CACNA2D1: variants seen among roughly 807,000 people sequenced by gnomAD.
CACNA2D1 encodes voltage-dependent calcium channel subunit alpha-2/delta-1.
In CACNA2D1, 53 loss-of-function variants were observed where a neutral mutation model predicts 171.5. The observed-to-expected ratio is 0.31, with a 90% CI of 0.25 to 0.39. The LOEUF is 0.39. Among genes scored for constraint, CACNA2D1 ranks in the 10% least tolerant of loss-of-function variants. The pLI is 1.00. For synonymous variants in CACNA2D1, 442 were observed against 443.1 expected (o/e 1.00, Z 0.03); for missense variants, 903 against 1,299.8 (o/e 0.69, Z 4.69).
chr7:82,112,331 A>T (rs1416285022), intron 6 of CACNA2D1, among the ~76,000 whole-genome samples: 1 of 152,198 alleles, frequency 6.6e-6, no homozygotes, highest in Non-Finnish European at 1.5e-5. Flanking sequence ...AAAGAATAAC[A>T]TTATACACCA....
chr7:82,083,239 T>G (rs1810019245), intron 7 of CACNA2D1, among the ~76,000 whole-genome samples: 2 of 152,064 alleles, frequency 1.3e-5, no homozygotes, highest in African/African-American at 4.8e-5. Context: ...ATGCTGTAAG[T>G]TACTGACAAA....
At chr7:82,262,992 G>A (rs1419908786) in intron 3 of CACNA2D1, among the ~76,000 whole-genome samples, 3 of 151,430 alleles carry the variant, frequency 2.0e-5, no homozygotes, top group Admixed American at 6.6e-5. Flanking sequence ...TTGTCCAATC[G>A]TATTTCTTCA....
chr7:82,406,830 A>G (rs1012609614), intron 1 of CACNA2D1, among the ~76,000 whole-genome samples: 2 of 151,966 alleles, frequency 1.3e-5, no homozygotes, highest in Non-Finnish European at 2.9e-5. Context: ...TCAATCTTAG[A>G]ATTTTTTTGT....
At chr7:82,300,844 G>A (rs945549774) in intron 3 of CACNA2D1, among the ~76,000 whole-genome samples, 10 of 151,850 alleles carry the variant, frequency 6.6e-5, no homozygotes, top group Admixed American at 1.3e-4. Context: ...TAAAATATGC[G>A]TGAAACTGAT....
intron 3 of CACNA2D1, among the ~76,000 whole-genome samples, chr7:82,190,966 G>C (rs1185686438): frequency 6.6e-6 from 1 of 151,588 alleles, no homozygotes; most frequent in Non-Finnish European, 1.5e-5. Flanking sequence ...ATATGTATAG[G>C]TAAACAATTA....
intron 3 of CACNA2D1, among the ~76,000 whole-genome samples, chr7:82,302,098 C>A (rs77614518): frequency 0.025 from 3,813 of 152,176 alleles, 151 homozygotes; most frequent in African/African-American, 0.087. Flanking sequence ...TTTAAATTTT[C>A]TTTCCTAAAT....
At chr7:82,389,474 C>T (rs2129450404) in intron 1 of CACNA2D1, among the ~76,000 whole-genome samples, 1 of 152,220 alleles carries the variant, frequency 6.6e-6, no homozygotes, top group East Asian at 1.9e-4. Flanking sequence ...TCTTCACTTC[C>T]ATTCTTAAAT....
intron 4 of CACNA2D1, among the ~76,000 whole-genome samples, chr7:82,141,202 C>T (rs1167858510): frequency 6.6e-6 from 1 of 152,054 alleles, no homozygotes; most frequent in Non-Finnish European, 1.5e-5. Flanking sequence ...ATTCAAATCA[C>T]TGAGTCACCA....
At chr7:81,953,079 G>C (rs1792797421) in intron 38 of CACNA2D1, among the ~76,000 whole-genome samples, 1 of 151,986 alleles carries the variant, frequency 6.6e-6, no homozygotes, top group South Asian at 2.1e-4. Context: ...TTTGCAGAGT[G>C]GGGGTTTCAG....
intron 36 of CACNA2D1, 92 bp from the exon 37 acceptor site, chr7:81,959,921 CA>C: frequency 2.7e-6 from 4 of 1,504,896 alleles, no homozygotes; most frequent in Non-Finnish European, 2.7e-6. Context: ...AAATGAAAGA[CA>C]AAATATGACA....
intron 3 of CACNA2D1, among the ~76,000 whole-genome samples, chr7:82,303,086 T>C (rs559190501): frequency 5.9e-5 from 9 of 152,094 alleles, no homozygotes; most frequent in South Asian, 2.1e-4. Context: ...CTCCGCCTCC[T>C]GGGTTCATGC....
At chr7:82,022,722 C>A (rs1801381826) in intron 12 of CACNA2D1, among the ~76,000 whole-genome samples, 1 of 151,894 alleles carries the variant, frequency 6.6e-6, no homozygotes, top group Non-Finnish European at 1.5e-5. Context: ...TAGTTTGGAT[C>A]TGAGAGCAAA....
intron 21 of CACNA2D1, among the ~76,000 whole-genome samples, chr7:81,988,330 T>A (rs1447989741): frequency 6.6e-6 from 1 of 152,136 alleles, no homozygotes; most frequent in South Asian, 2.1e-4. Context: ...TGTATACACA[T>A]AAAGATTGTG....
Position 81,970,000 on chromosome 7 carries a change from C to T in CACNA2D1, c.2205-16G>A. On this transcript the variant is annotated splice_polypyrimidine_tract_variant and intron_variant, in intron 27 of 38. Transcript: ENST00000356860. ...TTCTCCAGCCCTAAGGAGGAAATGGCTCATCATTTGTATTCTTTAATCTAC... is the reference window on the plus strand; with the variant it reads ...TTCTCCAGCCCTAAGGAGGAAATGGTTCATCATTTGTATTCTTTAATCTAC... 1.4e-6 allele frequency: 2 copies of T among 1,434,840 alleles called. No individual in the cohort carries two copies. The highest frequency in any genetic ancestry group is 9.8e-7 in the Non-Finnish European group (1 of 1,017,734). 88.9% of individuals were successfully genotyped at this position (1,434,840 alleles called of 1,614,324 possible). A position where few individuals can be genotyped will look rare whatever the true frequency, so the allele number is the denominator to read the frequency against.
At position 81,957,000 on chromosome 7, in the gene CACNA2D1, TAA is replaced by T. The variant is rs1289955101; in HGVS notation, c.3159+2273_3159+2274del. ...ACTTAGAAACTAGAAGCACTTATTC[TAA>T]AATATTTCAATAAGAATATTTTGAG... is the stretch of plus-strand genomic sequence containing the variant. On this transcript the variant is annotated intron_variant, in intron 38 of 38. Transcript: ENST00000356860. 2.6e-5 allele frequency among the ~76,000 whole-genome samples: 4 copies of T among 152,238 alleles called. No individual in the cohort carries two copies. The East Asian group carries it at 7.7e-4, about 29-fold the overall frequency.
chr7:82,125,101 A>G (rs1790179526), intron 5 of CACNA2D1, among the ~76,000 whole-genome samples: 1 of 152,200 alleles, frequency 6.6e-6, no homozygotes, highest in Non-Finnish European at 1.5e-5. Context: ...TGTAGACAAG[A>G]CTCTGCTGCT....
At chr7:82,247,437 C>G (rs998067632) in intron 3 of CACNA2D1, among the ~76,000 whole-genome samples, 9 of 151,678 alleles carry the variant, frequency 5.9e-5, no homozygotes, top group Admixed American at 2.0e-4. Context: ...TTAAACCCAG[C>G]AGGTGGGGGC....
At position 82,078,099 on chromosome 7, in the gene CACNA2D1, A is replaced by G. The variant is rs186720004; in HGVS notation, c.658+6670T>C. Among the ~76,000 whole-genome samples, 376 of 152,286 alleles carry G rather than the reference A, an allele frequency of 2.5e-3. 1 individual carries two copies. Among genetic ancestry groups the G allele is most frequent in the Non-Finnish European group, 4.1e-3 (278 of 68,016 alleles). On this transcript the variant is annotated intron_variant, in intron 7 of 38. Coordinates refer to ENST00000356860, the MANE Select transcript of CACNA2D1 (RefSeq NM_000722.4). ...AATCCTAGCAGAAATAGCAACAAGA[A>G]GATGTCTCTCAGAGGTCTACTTTAC...
At chr7:81,976,179 C>T (rs995151074) in intron 24 of CACNA2D1, among the ~76,000 whole-genome samples, 1 of 152,040 alleles carries the variant, frequency 6.6e-6, no homozygotes, top group African/African-American at 2.4e-5. Flanking sequence ...AATCAGGTAG[C>T]GTGATGTCTC....
Sources: allele counts gnomAD v4.1 joint callset (sites outside exome capture counted in the v4.1 genomes callset), GRCh38; gene constraint gnomAD v4.1.1; transcripts MANE v1.5; gene names NCBI Gene and HGNC (gene_info 2026-07-23, HGNC 2026-07-21).